The following DYNC1H1 variants were observed in gnomAD, a reference collection of about 807,000 sequenced individuals.
DYNC1H1 encodes cytoplasmic dynein 1 heavy chain 1.
A neutral mutation model predicts 527.1 loss-of-function variants in DYNC1H1; 51 were observed. The observed-to-expected ratio is 0.10, with a 90% CI of 0.08 to 0.12. DYNC1H1 has a LOEUF of 0.12. Ranked by LOEUF, DYNC1H1 falls within the 10% of genes least tolerant of loss-of-function variation. The probability of loss-of-function intolerance (pLI) is 1.00; values close to 1 mark genes in which losing one functional copy is unlikely to be tolerated. For missense variants in DYNC1H1, 2,771 were observed against 5,971.8 expected (o/e 0.46, Z 17.66); for synonymous variants, 2,189 against 2,278.8 (o/e 0.96, Z 1.12).
rs901700125 is a variant in DYNC1H1 at position 102,036,896 on chromosome 14, A to G, written c.10908+254A>G. 2.0e-5 allele frequency: 8 copies of G among 404,650 alleles called. No homozygotes were observed. Among genetic ancestry groups the G allele is most frequent in the African/African-American group, 1.5e-4 (7 of 48,216 alleles). The allele number at this position is 404,650 out of a possible 1,614,324, so 25.1% of individuals were successfully genotyped here. On this transcript the variant is annotated intron_variant, in intron 57 of 77. Transcript: ENST00000360184. This position sits in a 1 kb window ranked among gnomAD's most constrained non-coding sequence, Gnocchi z 5.6. ...CGAGGCGGGTGGATCATCTAAGGTC[A>G]GGAATTCAAGAAAAGCCTGGCTAAA...
At chr14:102,023,265 T>C (rs2048408233) in intron 43 of DYNC1H1, 2 of 350,288 alleles carry the variant, frequency 5.7e-6, no homozygotes, top group Non-Finnish European at 1.1e-5. Flanking sequence ...GAAAACAAAA[T>C]ATCAGCCGGG....
intron 76 of DYNC1H1, 41 bp from the exon 77 acceptor site, chr14:102,050,030 T>A (rs1052089189): frequency 2.5e-6 from 4 of 1,614,156 alleles, no homozygotes; most frequent in Non-Finnish European, 3.4e-6. Context: ...TGTGTAGCTG[T>A]TGTGTTCACC....
At chr14:101,978,969 T>C (rs1406071567) in intron 2 of DYNC1H1, among the ~76,000 whole-genome samples, 1 of 152,204 alleles carries the variant, frequency 6.6e-6, no homozygotes. Flanking sequence ...TGGCCTCTTA[T>C]CACCTTAACC....
chr14:102,037,024 G>C (rs961677206), intron 57 of DYNC1H1: 1 of 329,796 alleles, frequency 3.0e-6, no homozygotes, highest in African/African-American at 2.2e-5. Flanking sequence ...TTGAACCCGG[G>C]AGGCGGAGGT....
At position 101,991,715 on chromosome 14, in the gene DYNC1H1, C is replaced by T. The variant is rs10138457; in HGVS notation, c.3015+42C>T. 0.072 allele frequency: 115,319 copies of T among 1,612,050 alleles called. 5,917 individuals are homozygous for T. Among genetic ancestry groups the T allele is most frequent in the African/African-American group, 0.26 (19,295 of 74,884 alleles). ...TCGAGGCACACGCCTCTGACCAGGA[C>T]TCTCATGGGCTCTGTGATACCACTT... is the stretch of plus-strand genomic sequence containing the variant. On this transcript the variant is annotated intron_variant, in intron 11 of 77. Transcript: ENST00000360184.
Position 102,033,708 on chromosome 14 carries a change from A to C in DYNC1H1, c.10413+224A>C. ...AAACTGGACACTTTTCAGCCGTTGA[A>C]TCCCCCACCAGCAGCTCCAGACCTG... On this transcript the variant is annotated intron_variant, in intron 54 of 77. Transcript: ENST00000360184. This position sits in a 1 kb window ranked among gnomAD's most constrained non-coding sequence, Gnocchi z 5.6. The C allele has an allele frequency of 1.4e-6, 1 of 699,992 alleles. No homozygotes were observed. Among genetic ancestry groups the C allele is most frequent in the South Asian group, 1.8e-5 (1 of 56,084 alleles). The allele number at this position is 699,992 out of a possible 1,614,324, so 43.4% of individuals were successfully genotyped here.
chr14:101,970,467 G>GT (rs1369451236), intron 1 of DYNC1H1, among the ~76,000 whole-genome samples: 14 of 103,558 alleles, frequency 1.4e-4, no homozygotes, highest in African/African-American at 2.0e-4. Context: ...TGTTTGGTTT[G>GT]TTGTTGTTTT....
At chr14:102,048,049 C>T (rs1264445501) in intron 73 of DYNC1H1, 21 bp downstream of exon 73, 1 of 1,598,980 alleles carries the variant, frequency 6.3e-7, no homozygotes, top group South Asian at 1.1e-5. Flanking sequence ...GGGTGGCGGG[C>T]CGGCCAGGTC....
At chr14:101,987,422 T>A in intron 8 of DYNC1H1, 31 bp from the exon 9 acceptor site, 1 of 1,596,748 alleles carries the variant, frequency 6.3e-7, no homozygotes, top group Non-Finnish European at 8.6e-7. Flanking sequence ...TGTGAGTGGG[T>A]GTTTTAAATA....
intron 50 of DYNC1H1, 99 bp from the exon 51 acceptor site, chr14:102,030,063 T>TGTGTGTGTGC: frequency 6.3e-7 from 1 of 1,577,844 alleles, no homozygotes; most frequent in Non-Finnish European, 8.7e-7. Context: ...AGAGAGTGTG[T>TGTGTGTGTGC]GTGTGTGTGT....
chr14:102,012,853 A>C lies in DYNC1H1; in HGVS notation c.7014+383A>C. 2.9e-6 allele frequency: 1 copy of C among 347,760 alleles called. No individual in the cohort carries two copies. Among genetic ancestry groups the C allele is most frequent in the Non-Finnish European group, 5.5e-6 (1 of 180,682 alleles). 21.5% of individuals were successfully genotyped at this position (347,760 alleles called of 1,614,324 possible). A position where few individuals can be genotyped will look rare whatever the true frequency, so the allele number is the denominator to read the frequency against. On this transcript the variant is annotated intron_variant, in intron 34 of 77. Transcript: ENST00000360184. This position sits in a 1 kb window ranked among gnomAD's most constrained non-coding sequence, Gnocchi z 4.9. The stretch of plus-strand genomic sequence containing the variant: ...CCCTTGGAAAATGAGTGCATGATGC[A>C]GGTGCCTGACAACACCTACTGATCA...
chr14:102,012,573 T>C lies in DYNC1H1; in HGVS notation c.7014+103T>C, dbSNP rs547830318. 3 of 1,482,080 alleles carry C rather than the reference T, an allele frequency of 2.0e-6. No individual in the cohort carries two copies. Among genetic ancestry groups the C allele is most frequent in the Non-Finnish European group, 2.8e-6 (3 of 1,064,170 alleles). The allele number at this position is 1,482,080 out of a possible 1,614,324, so 91.8% of individuals were successfully genotyped here. On this transcript the variant is annotated intron_variant, in intron 34 of 77. Transcript: ENST00000360184. This position sits in a 1 kb window ranked among gnomAD's most constrained non-coding sequence, Gnocchi z 4.9. ...TCTGGAGTCATGGACCCAGATTCCA[T>C]GGAGTAGTGATCATTGTGTAAGTAA...
Position 102,012,442 on chromosome 14 carries a change from A to G in DYNC1H1, c.6986A>G (p.Asn2329Ser), listed in dbSNP as rs142335110. The G allele has an allele frequency of 1.5e-5, 25 of 1,614,192 alleles. No individual in the cohort carries two copies. The highest frequency in any genetic ancestry group is 4.5e-5 in the East Asian group (2 of 44,888). The change falls in exon 34 of 78, where the codon AAT becomes AGT. Residue 2329 changes from asparagine to serine, a missense_variant. Coordinates refer to ENST00000360184, the MANE Select transcript of DYNC1H1 (RefSeq NM_001376.5). This position sits in a 1 kb window ranked among gnomAD's most constrained non-coding sequence, Gnocchi z 4.9. Reference protein sequence around the residue: ...LDDNKLLTLPNGERLSLPPNV... With the variant: ...LDDNKLLTLPSGERLSLPPNV... ...GACAATAAGCTCCTAACTTTGCCCA[A>G]TGGAGAGCGCCTCAGTCTTCCACCC...
At position 101,966,742 on chromosome 14, in the gene DYNC1H1, TAA is replaced by T. The variant is rs532530432; in HGVS notation, c.256+1796_256+1797del. 7.2e-5 allele frequency among the ~76,000 whole-genome samples: 11 copies of T among 152,358 alleles called. No individual in the cohort carries two copies. In the East Asian group the frequency reaches 1.7e-3, roughly 24 times the overall value. ...GTCACTCTTTTTATGAAAAAAAATTTAAGTTTTATACTTTGCTTCTAGAGTGA... is the reference window on the plus strand; with the variant it reads ...GTCACTCTTTTTATGAAAAAAAATTTGTTTTATACTTTGCTTCTAGAGTGA... On this transcript the variant is annotated intron_variant, in intron 1 of 77. Coordinates refer to ENST00000360184, the MANE Select transcript of DYNC1H1 (RefSeq NM_001376.5).
rs1376465975 is a variant in DYNC1H1, at chr14:102,010,198, C to T, written c.6222-78C>T. On this transcript the variant is annotated intron_variant, in intron 30 of 77. Coordinates refer to ENST00000360184, the MANE Select transcript of DYNC1H1 (RefSeq NM_001376.5). This position sits in a 1 kb window ranked among gnomAD's most constrained non-coding sequence, Gnocchi z 6.0. ...GGTACGTCTTTCAAAATATCCATCTCTGGTTTCTTGACACTTGACCCTATT... is the reference window on the plus strand; with the variant it reads ...GGTACGTCTTTCAAAATATCCATCTTTGGTTTCTTGACACTTGACCCTATT... The T allele has an allele frequency of 1.2e-6, 2 of 1,612,202 alleles. No homozygotes were observed. Among genetic ancestry groups the T allele is most frequent in the African/African-American group, 2.7e-5 (2 of 74,768 alleles).
chr14:102,020,072 G>C lies in DYNC1H1; in HGVS notation c.8507+16G>C. 1 of 1,613,630 alleles carries C rather than the reference G, an allele frequency of 6.2e-7. No homozygotes were observed. The highest frequency in any genetic ancestry group is 8.5e-7 in the Non-Finnish European group (1 of 1,179,834). On this transcript the variant is annotated intron_variant, in intron 42 of 77. Transcript: ENST00000360184. The surrounding 1 kb of genome is among the most constrained non-coding windows in gnomAD (Gnocchi z 4.3). ...TCCAAGATAGGTAAGGGAAGCCGAGGATCCAGTTGGTCCCATTCTCCCCTG... is the reference window on the plus strand; with the variant it reads ...TCCAAGATAGGTAAGGGAAGCCGAGCATCCAGTTGGTCCCATTCTCCCCTG...
rs17512369 is a variant in DYNC1H1 at position 102,010,582 on chromosome 14, A to G, written c.6405+123A>G. On this transcript the variant is annotated intron_variant, in intron 31 of 77. Coordinates refer to ENST00000360184, the MANE Select transcript of DYNC1H1 (RefSeq NM_001376.5). This position sits in a 1 kb window ranked among gnomAD's most constrained non-coding sequence, Gnocchi z 6.0. ...ACATGTCTTGGGATGGCTGAAATAG[A>G]CTGTAATGTTGACCCAGTGAGTCGA... The G allele has an allele frequency of 2.8e-3, 4,288 of 1,508,682 alleles. 112 individuals are homozygous for G. In the African/African-American group the frequency reaches 0.054, roughly 19 times the overall value. 93.5% of individuals were successfully genotyped at this position (1,508,682 alleles called of 1,614,324 possible). A position where few individuals can be genotyped will look rare whatever the true frequency, so the allele number is the denominator to read the frequency against.
At chr14:102,037,485 CTT>C (rs2048591797) in intron 57 of DYNC1H1, 2 of 151,842 alleles carry the variant, frequency 1.3e-5, no homozygotes, top group Non-Finnish European at 2.9e-5. Flanking sequence ...GAACATGTTC[CTT>C]TGCAGGAACA....
chr14:102,015,739 C>T lies in DYNC1H1; in HGVS notation c.7243-117C>T. Reference sequence around the variant, plus strand: ...AAGGAATGAGGACTGGTCATTGAAGCTTCATCCAAAATGAGTTTTCCAAGG... The same window carrying T: ...AAGGAATGAGGACTGGTCATTGAAGTTTCATCCAAAATGAGTTTTCCAAGG... On this transcript the variant is annotated intron_variant, in intron 35 of 77. Transcript: ENST00000360184. This position sits in a 1 kb window ranked among gnomAD's most constrained non-coding sequence, Gnocchi z 6.9. 1.7e-6 allele frequency: 2 copies of T among 1,151,552 alleles called. No individual in the cohort carries two copies. Among genetic ancestry groups the T allele is most frequent in the South Asian group, 2.7e-5 (2 of 75,264 alleles). The allele number at this position is 1,151,552 out of a possible 1,614,324, so 71.3% of individuals were successfully genotyped here. A position where few individuals can be genotyped will look rare whatever the true frequency, so the allele number is the denominator to read the frequency against.
Sources: gnomAD v4.1 joint callset for allele counts (sites outside exome capture counted in the v4.1 genomes callset) on GRCh38, gnomAD v4.1.1 for gene constraint, Gnocchi (gnomAD v3.1) non-coding constraint, MANE v1.5 for transcripts, NCBI Gene and HGNC (gene_info 2026-07-23, HGNC 2026-07-21) for gene names.